ATAD1: variants seen among roughly 807,000 people sequenced by gnomAD.
ATAD1 encodes ATPase family AAA domain containing 1.
A neutral mutation model predicts 42.7 loss-of-function variants in ATAD1; 18 were observed. The ratio of observed to expected loss-of-function variants is 0.42; its 90% CI spans 0.29 to 0.63. ATAD1 has a LOEUF of 0.63. Ranked by LOEUF, ATAD1 falls within the 20% of genes least tolerant of loss-of-function variation. The pLI, the probability that ATAD1 is intolerant of heterozygous loss-of-function variation, is 0.19. For missense variants in ATAD1, 294 were observed against 440.4 expected (o/e 0.67, Z 2.98); for synonymous variants, 132 against 143.1 (o/e 0.92, Z 0.55).
intron 1 of ATAD1, chr10:87,832,380 T>G (rs1589577906): frequency 6.7e-6 from 1 of 150,156 alleles, no homozygotes. Context: ...GGCAACAGAG[T>G]GAGATCCTAT....
At chr10:87,790,548 C>A in intron 3 of ATAD1, 118 bp from the exon 4 acceptor site, 1 of 1,032,426 alleles carries the variant, frequency 9.7e-7, no homozygotes, top group Non-Finnish European at 1.3e-6. Flanking sequence ...AAGTTAAAAT[C>A]ATATATTAAC....
chr10:87,785,212 A>C (rs905180509), intron 4 of ATAD1, among the ~76,000 whole-genome samples: 1 of 152,096 alleles, frequency 6.6e-6, no homozygotes, highest in African/African-American at 2.4e-5. Context: ...TATATTATTA[A>C]CCTATGGTCT....
intron 8 of ATAD1, among the ~76,000 whole-genome samples, chr10:87,766,914 C>CA (rs1345681781): frequency 6.6e-6 from 1 of 151,710 alleles, no homozygotes; most frequent in African/African-American, 2.4e-5. Context: ...AACATGTGAC[C>CA]AAAAAAACCT....
Position 87,756,579 on chromosome 10 carries a change from A to C in ATAD1, c.965+210T>G, listed in dbSNP as rs78306461. On this transcript the variant is annotated intron_variant, in intron 9 of 9. Coordinates refer to ENST00000680024, the MANE Select transcript of ATAD1 (RefSeq NM_001321967.2). ...AAGAAATTCACCTTTTTTCTCCTTCATTCTAGACCCTTCCCACAATTCTGC... is the reference window on the plus strand; with the variant it reads ...AAGAAATTCACCTTTTTTCTCCTTCCTTCTAGACCCTTCCCACAATTCTGC... Among the ~76,000 whole-genome samples the C allele has an allele frequency of 5.9e-4, 90 of 152,242 alleles. 2 individuals carry two copies. In the East Asian group the frequency reaches 0.015, roughly 26 times the overall value.
chr10:87,774,936 C>G (rs1174542815), intron 6 of ATAD1, among the ~76,000 whole-genome samples: 3 of 151,978 alleles, frequency 2.0e-5, no homozygotes, highest in African/African-American at 7.3e-5. Context: ...ACCTGGGCAA[C>G]AGAGTGAGAC....
upstream of ATAD1, chr10:87,818,339 G>A (rs1564785907): frequency 3.5e-6 from 3 of 852,988 alleles, no homozygotes. Context: ...TAGAAACAGT[G>A]AGGGAGAGCA....
chr10:87,815,026 G>GTA (rs1857350761), intron 1 of ATAD1: 1 of 152,300 alleles, frequency 6.6e-6, no homozygotes, highest in African/African-American at 2.4e-5. Context: ...TCTATTAACT[G>GTA]TATCATATAC....
At chr10:87,792,058 A>T (rs1046490652) in intron 3 of ATAD1, among the ~76,000 whole-genome samples, 2 of 152,270 alleles carry the variant, frequency 1.3e-5, no homozygotes, top group Non-Finnish European at 2.9e-5. Context: ...TACTAAACAA[A>T]TGCGTACAGA....
chr10:87,763,514 C>CA (rs1332223448), intron 8 of ATAD1, among the ~76,000 whole-genome samples: 1 of 151,984 alleles, frequency 6.6e-6, no homozygotes, highest in Non-Finnish European at 1.5e-5. Context: ...TTTTAAAAAA[C>CA]AAAAAACAAC....
chr10:87,767,454 C>T (rs1480912264), intron 8 of ATAD1, among the ~76,000 whole-genome samples: 4 of 152,112 alleles, frequency 2.6e-5, no homozygotes, highest in Admixed American at 6.5e-5. Flanking sequence ...AATCCAGTGC[C>T]GCTGCTGATG....
intron 9 of ATAD1, among the ~76,000 whole-genome samples, chr10:87,756,349 C>A (rs1854221813): frequency 1.3e-5 from 2 of 152,180 alleles, no homozygotes; most frequent in Admixed American, 1.3e-4. Context: ...AGTATCTTTG[C>A]TGAAATAAGG....
intron 8 of ATAD1, among the ~76,000 whole-genome samples, chr10:87,762,270 C>A (rs930853966): frequency 6.6e-6 from 1 of 152,154 alleles, no homozygotes; most frequent in African/African-American, 2.4e-5. Flanking sequence ...AATTAAATAA[C>A]TGTATTGGTT....
At chr10:87,773,018 T>C (rs1349825450) in intron 6 of ATAD1, among the ~76,000 whole-genome samples, 2 of 152,122 alleles carry the variant, frequency 1.3e-5, no homozygotes, top group African/African-American at 2.4e-5. Flanking sequence ...CAGCTTCATC[T>C]GGAGGAGGGA....
chr10:87,823,063 T>C (rs1857659986), upstream of ATAD1, among the ~76,000 whole-genome samples: 1 of 150,590 alleles, frequency 6.6e-6, no homozygotes, highest in Admixed American at 6.6e-5. Context: ...GATGAATTGA[T>C]AACTCCATTC....
chr10:87,791,001 T>C (rs1159604100), intron 3 of ATAD1, among the ~76,000 whole-genome samples: 4 of 86,382 alleles, frequency 4.6e-5, no homozygotes, highest in African/African-American at 1.7e-4. Context: ...CTGGCCAACA[T>C]GGTTGAAACC....
intron 2 of ATAD1, among the ~76,000 whole-genome samples, chr10:87,795,354 G>A (rs537531953): frequency 3.3e-4 from 50 of 152,022 alleles, no homozygotes; most frequent in Admixed American, 8.5e-4. Flanking sequence ...CACTAGATAA[G>A]CAGAAAAACA....
intron 2 of ATAD1, among the ~76,000 whole-genome samples, chr10:87,796,798 C>T (rs957356121): frequency 3.3e-5 from 5 of 152,052 alleles, no homozygotes; most frequent in African/African-American, 9.7e-5. Context: ...ATGGCTCAAA[C>T]CGATAGTACT....
chr10:87,825,927 T>C (rs1314778480), intron 1 of ATAD1, among the ~76,000 whole-genome samples: 1 of 152,154 alleles, frequency 6.6e-6, no homozygotes, highest in Non-Finnish European at 1.5e-5. Context: ...ATTCCCAAAG[T>C]TGAGGGAGCT....
chr10:87,825,530 C>T (rs61853364), intron 1 of ATAD1, among the ~76,000 whole-genome samples: 4 of 151,692 alleles, frequency 2.6e-5, no homozygotes, highest in South Asian at 2.1e-4. Flanking sequence ...AGGATGGTCT[C>T]GATCTCCTGA....
Sources: gnomAD v4.1 joint callset for allele counts (sites outside exome capture counted in the v4.1 genomes callset) on GRCh38, gnomAD v4.1.1 for gene constraint, MANE v1.5 for transcripts, NCBI Gene and HGNC (gene_info 2026-07-23, HGNC 2026-07-21) for gene names.